Variants in BRINP3 observed in about 807,000 individuals in gnomAD.
BRINP3 encodes the protein BMP/retinoic acid-inducible neural-specific protein 3.
A neutral mutation model predicts 71.0 loss-of-function variants in BRINP3; 19 were observed. The ratio of observed to expected loss-of-function variants is 0.27; its 90% CI spans 0.19 to 0.39. The LOEUF is 0.39. Among genes scored for constraint, BRINP3 ranks in the 10% least tolerant of loss-of-function variants. The pLI, the probability that BRINP3 is intolerant of heterozygous loss-of-function variation, is 1.00. For synonymous variants in BRINP3, 380 were observed against 337.7 expected, an observed-to-expected ratio of 1.13 and a Z score of -1.37; for missense variants, 959 against 940.8, an observed-to-expected ratio of 1.02 and a Z score of -0.25.
intron 4 of BRINP3, among the ~76,000 whole-genome samples, chr1:190,262,563 C>G (rs1411500683): frequency 6.6e-6 from 1 of 152,058 alleles, no homozygotes; most frequent in African/African-American, 2.4e-5. Flanking sequence ...TATGAAGCCC[C>G]CTTTCCACCC....
intron 6 of BRINP3, among the ~76,000 whole-genome samples, chr1:190,197,623 C>A (rs969764764): frequency 6.6e-6 from 1 of 152,192 alleles, no homozygotes; most frequent in Admixed American, 6.5e-5. Context: ...CCAAAATGAT[C>A]TCTTTTGGCT....
chr1:190,160,570 C>T, intron 7 of BRINP3, 98 bp downstream of exon 7: 1 of 904,960 alleles, frequency 1.1e-6, no homozygotes, highest in South Asian at 1.8e-5. Flanking sequence ...TAAATTAGAT[C>T]ATGATTTGTA....
rs183216138 is a variant in BRINP3, at chr1:190,178,996, G to A, written c.962-18106C>T. 2.2e-4 allele frequency among the ~76,000 whole-genome samples: 33 copies of A among 152,162 alleles called. No individual in the cohort carries two copies. In the South Asian group the frequency reaches 3.9e-3, roughly 18 times the overall value. ...GCAGACATCAGTAGAATTAGATAAC[G>A]CCTACCTTTCTCCTTTCTTTTATTA... On this transcript the variant is annotated intron_variant, in intron 6 of 7. Transcript: ENST00000367462.
intron 2 of BRINP3, among the ~76,000 whole-genome samples, chr1:190,371,200 T>C (rs1333126310): frequency 6.6e-6 from 1 of 152,208 alleles, no homozygotes; most frequent in East Asian, 1.9e-4. Context: ...TTTATGTATT[T>C]TTGTATTTGT....
rs753813206 is a variant in BRINP3 at position 190,192,460 on chromosome 1, C to T, written c.962-31570G>A. Among the ~76,000 whole-genome samples the T allele has an allele frequency of 1.8e-4, 27 of 151,648 alleles. 1 individual carries two copies. Among genetic ancestry groups the T allele is most frequent in the Non-Finnish European group, 3.1e-4 (21 of 67,896 alleles). The stretch of plus-strand genomic sequence containing the variant: ...ATGTAATCGAAAAAATTAAATAATT[C>T]TTCATTTGTTATATGTTCCATGAAC... On this transcript the variant is annotated intron_variant, in intron 6 of 7. Transcript: ENST00000367462.
chr1:190,207,797 A>G lies in BRINP3; in HGVS notation c.961+18285T>C, dbSNP rs575447789. On this transcript the variant is annotated intron_variant, in intron 6 of 7. Transcript: ENST00000367462. Reference sequence around the variant, plus strand: ...ATTGATTTTTAGAAGAGATACAGACATGTTATTGTTAAAATTAGTATTACA... The same window carrying G: ...ATTGATTTTTAGAAGAGATACAGACGTGTTATTGTTAAAATTAGTATTACA... Among the ~76,000 whole-genome samples the G allele has an allele frequency of 2.6e-5, 4 of 152,312 alleles. No homozygotes were observed. The East Asian group carries it at 7.8e-4, about 30-fold the overall frequency.
chr1:190,155,238 C>A (rs948369294), intron 7 of BRINP3, among the ~76,000 whole-genome samples: 5 of 151,956 alleles, frequency 3.3e-5, no homozygotes, highest in Non-Finnish European at 4.4e-5. Flanking sequence ...TATTCCATTA[C>A]ATCTCACTTT....
chr1:190,467,703 C>G (rs531968225), intron 1 of BRINP3, among the ~76,000 whole-genome samples: 1 of 151,608 alleles, frequency 6.6e-6, no homozygotes, highest in East Asian at 1.9e-4. Context: ...CTTGACATTT[C>G]CAAGGACCAC....
At chr1:190,409,391 CA>C (rs993953016) in intron 2 of BRINP3, among the ~76,000 whole-genome samples, 27 of 152,016 alleles carry the variant, frequency 1.8e-4, no homozygotes, top group Admixed American at 2.6e-4. Context: ...GAAAAACACA[CA>C]AAAAAAGAAT....
At chr1:190,429,652 G>A (rs903473158) in intron 2 of BRINP3, among the ~76,000 whole-genome samples, 7 of 150,102 alleles carry the variant, frequency 4.7e-5, no homozygotes, top group Admixed American at 4.6e-4. Context: ...GTGCAATGAG[G>A]AGATCTCAGC....
intron 2 of BRINP3, among the ~76,000 whole-genome samples, chr1:190,391,893 ATAC>A (rs1671272698): frequency 6.6e-6 from 1 of 151,760 alleles, no homozygotes; most frequent in Non-Finnish European, 1.5e-5. Flanking sequence ...AGGGAGACAG[ATAC>A]TACTAATTAG....
chr1:190,334,422 G>GA (rs1558190911), intron 2 of BRINP3, among the ~76,000 whole-genome samples: 2 of 151,848 alleles, frequency 1.3e-5, no homozygotes, highest in East Asian at 3.9e-4. Flanking sequence ...ACGAGAAACT[G>GA]AAAAAGATGC....
chr1:190,336,710 G>C (rs1667303441), intron 2 of BRINP3, among the ~76,000 whole-genome samples: 1 of 151,820 alleles, frequency 6.6e-6, no homozygotes, highest in Admixed American at 6.6e-5. Flanking sequence ...AGAATCTATG[G>C]CTCATTTCTT....
At chr1:190,282,346 G>C (rs1430889782) in intron 2 of BRINP3, among the ~76,000 whole-genome samples, 1 of 150,878 alleles carries the variant, frequency 6.6e-6, no homozygotes, top group Non-Finnish European at 1.5e-5. Flanking sequence ...GGATGAATTT[G>C]GCCAAGTTAG....
chr1:190,295,557 G>A (rs1057121216), intron 2 of BRINP3, among the ~76,000 whole-genome samples: 3 of 152,086 alleles, frequency 2.0e-5, no homozygotes, highest in South Asian at 2.1e-4. Context: ...CTGAGGGCCC[G>A]AGGCCACTGT....
At chr1:190,123,431 C>T (rs1185784590) in intron 7 of BRINP3, among the ~76,000 whole-genome samples, 2 of 152,028 alleles carry the variant, frequency 1.3e-5, no homozygotes, top group South Asian at 4.1e-4. Flanking sequence ...GTTAGCTCGT[C>T]GGTATGGTAA....
At chr1:190,431,923 TA>T (rs1674124289) in intron 2 of BRINP3, among the ~76,000 whole-genome samples, 1 of 152,164 alleles carries the variant, frequency 6.6e-6, no homozygotes, top group East Asian at 1.9e-4. Flanking sequence ...AAATAATTCA[TA>T]AGAAAAAATT....
chr1:190,154,642 G>C (rs1362687483), intron 7 of BRINP3, among the ~76,000 whole-genome samples: 1 of 152,038 alleles, frequency 6.6e-6, no homozygotes, highest in Non-Finnish European at 1.5e-5. Flanking sequence ...ATGTTTTCAA[G>C]AATGTTCATT....
chr1:190,448,753 C>G (rs1675405902), intron 2 of BRINP3, among the ~76,000 whole-genome samples: 1 of 151,738 alleles, frequency 6.6e-6, no homozygotes, highest in South Asian at 2.1e-4. Context: ...AATATTTACA[C>G]TTATTACATT....
Sources: gnomAD v4.1 joint callset for allele counts (sites outside exome capture counted in the v4.1 genomes callset) on GRCh38, gnomAD v4.1.1 for gene constraint, MANE v1.5 for transcripts, NCBI Gene and HGNC (gene_info 2026-07-23, HGNC 2026-07-21) for gene names.